The following CHIA variants were observed in gnomAD, a reference collection of about 807,000 sequenced individuals.
CHIA encodes the protein acidic mammalian chitinase.
CHIA carries 47 observed loss-of-function variants against 53.5 expected under a neutral mutation model. The ratio of observed to expected loss-of-function variants is 0.88; its 90% CI spans 0.70 to 1.12. The LOEUF is 1.12. Ranked by LOEUF, CHIA falls within the 50% of genes most tolerant of loss-of-function variation. The pLI is 0.00. For synonymous variants in CHIA, 268 were observed against 222.2 expected, an observed-to-expected ratio of 1.21 and a Z score of -1.83; for missense variants, 652 against 592.2, an observed-to-expected ratio of 1.10 and a Z score of -1.05.
At chr1:111,306,592 G>A (rs187023433) in intron 1 of CHIA, among the ~76,000 whole-genome samples, 2 of 152,190 alleles carry the variant, frequency 1.3e-5, no homozygotes, top group Admixed American at 1.3e-4. Context: ...AACAAGTGGT[G>A]TGCATTTGAC....
intron 1 of CHIA, among the ~76,000 whole-genome samples, chr1:111,295,760 A>G (rs10857872): frequency 0.63 from 96,263 of 152,068 alleles, 30,739 homozygotes; most frequent in African/African-American, 0.7. Context: ...GTGGGGCATC[A>G]CCTCACCCAG....
intron 1 of CHIA, among the ~76,000 whole-genome samples, chr1:111,303,899 C>T (rs1285718440): frequency 6.6e-6 from 1 of 152,096 alleles, no homozygotes; most frequent in East Asian, 1.9e-4. Context: ...ATAGGACTCC[C>T]TTGAGTATTT....
At chr1:111,306,144 A>AT (rs1047869706) in intron 1 of CHIA, among the ~76,000 whole-genome samples, 1 of 152,198 alleles carries the variant, frequency 6.6e-6, no homozygotes, top group Admixed American at 6.5e-5. Flanking sequence ...GAAGATTTTC[A>AT]TTTTTTCCAA....
intron 6 of CHIA, chr1:111,316,164 G>T: frequency 4.5e-6 from 1 of 220,686 alleles, no homozygotes; most frequent in Non-Finnish European, 9.2e-6. Flanking sequence ...TGGCACAAAT[G>T]ATATACAGAT....
intron 2 of CHIA, among the ~76,000 whole-genome samples, 195 bp from the exon 3 acceptor site, chr1:111,311,494 C>T (rs1010013386): frequency 1.3e-5 from 2 of 152,060 alleles, no homozygotes; most frequent in Non-Finnish European, 2.9e-5. Flanking sequence ...GACGAAGGTA[C>T]CACGGTCATT....
intron 1 of CHIA, among the ~76,000 whole-genome samples, chr1:111,297,887 A>T (rs1647308592): frequency 7.2e-6 from 1 of 139,510 alleles, no homozygotes; most frequent in South Asian, 2.4e-4. Flanking sequence ...AAGATCTACC[A>T]AGCAAATGGA....
intron 1 of CHIA, among the ~76,000 whole-genome samples, chr1:111,307,069 T>C (rs747677206): frequency 2.0e-5 from 3 of 152,248 alleles, no homozygotes; most frequent in Non-Finnish European, 2.9e-5. Context: ...AATATGCATG[T>C]GTTATTTCAC....
At chr1:111,291,867 G>C (rs1419366798) in intron 1 of CHIA, among the ~76,000 whole-genome samples, 1 of 150,972 alleles carries the variant, frequency 6.6e-6, no homozygotes, top group Non-Finnish European at 1.5e-5. Flanking sequence ...TCAGGATAAA[G>C]AGCTAAAGCA....
chr1:111,294,034 A>T (rs900391376), intron 1 of CHIA, among the ~76,000 whole-genome samples: 1 of 152,224 alleles, frequency 6.6e-6, no homozygotes, highest in Admixed American at 6.5e-5. Flanking sequence ...GTGAGCTATG[A>T]TCATGCCACT....
At chr1:111,295,339 C>T (rs569016215) in intron 1 of CHIA, among the ~76,000 whole-genome samples, 35 of 152,250 alleles carry the variant, frequency 2.3e-4, no homozygotes, top group African/African-American at 7.9e-4. Flanking sequence ...AGCCATCATG[C>T]CCAGTGTAAG....
At chr1:111,302,142 C>T (rs1404897707) in intron 1 of CHIA, among the ~76,000 whole-genome samples, 1 of 152,020 alleles carries the variant, frequency 6.6e-6, no homozygotes, top group African/African-American at 2.4e-5. Context: ...TTTGAGTCTC[C>T]TCTCTTTTTT....
intron 1 of CHIA, among the ~76,000 whole-genome samples, chr1:111,296,968 G>A (rs1445820023): frequency 6.6e-6 from 1 of 152,118 alleles, no homozygotes. Context: ...TGGAAGAAAG[G>A]GTATCCGTGA....
chr1:111,318,725 G>T, intron 9 of CHIA, 47 bp downstream of exon 9: 1 of 1,556,770 alleles, frequency 6.4e-7, no homozygotes, highest in South Asian at 1.2e-5. Context: ...CGTGCACTGT[G>T]CCTTAGGGCT....
chr1:111,312,592 A>G (rs926946678), intron 4 of CHIA, among the ~76,000 whole-genome samples: 5 of 152,222 alleles, frequency 3.3e-5, no homozygotes, highest in Non-Finnish European at 1.5e-5. Flanking sequence ...ACGGTGCGGA[A>G]TGGCTCAATC....
rs189146821 is a variant in CHIA at position 111,319,226 on chromosome 1, G to C, written c.1022G>C (p.Ser341Thr). 4.8e-5 allele frequency: 77 copies of C among 1,614,208 alleles called. No individual in the cohort carries two copies. Among genetic ancestry groups the C allele is most frequent in the Non-Finnish European group, 6.5e-5 (77 of 1,180,038 alleles). ...NVWVGYDNIK[S>T]FDIKAQWLKH... The stretch of plus-strand genomic sequence containing the variant: ...TGGGTTGGCTATGACAACATCAAGA[G>C]CTTCGATATTAAGGTAAGATCAGTC... The change falls in exon 10 of 12, where the codon AGC (serine) becomes ACC (threonine). Residue 341 changes from serine to threonine, a missense_variant. By Grantham distance (58) the Ser-to-Thr change is moderately conservative (BLOSUM62 1). Coordinates refer to ENST00000369740, the MANE Select transcript of CHIA (RefSeq NM_201653.4).
At chr1:111,297,954 A>T (rs966046125) in intron 1 of CHIA, among the ~76,000 whole-genome samples, 2 of 150,060 alleles carry the variant, frequency 1.3e-5, no homozygotes, top group Non-Finnish European at 3.0e-5. Context: ...CTAGTCTCTG[A>T]TGAAACAGAC....
chr1:111,315,549 A>G, intron 6 of CHIA, 114 bp downstream of exon 6: 2 of 1,087,650 alleles, frequency 1.8e-6, no homozygotes, highest in Non-Finnish European at 2.6e-6. Flanking sequence ...ATAGAATATT[A>G]GCATTGCAAA....
At chr1:111,312,755 TCTAA>T (rs1648791065) in intron 4 of CHIA, among the ~76,000 whole-genome samples, 1 of 152,120 alleles carries the variant, frequency 6.6e-6, no homozygotes, top group South Asian at 2.1e-4. Flanking sequence ...ATTCCTCATT[TCTAA>T]CTGAAATTTT....
At chr1:111,303,403 G>A (rs72693255) in intron 1 of CHIA, among the ~76,000 whole-genome samples, 205 of 151,496 alleles carry the variant, frequency 1.4e-3, no homozygotes, top group Non-Finnish European at 1.7e-3. Flanking sequence ...TTTCTTTCTC[G>A]TTTCCTTATA....
Sources: allele counts gnomAD v4.1 joint callset (sites outside exome capture counted in the v4.1 genomes callset), GRCh38; gene constraint gnomAD v4.1.1; transcripts MANE v1.5; gene names NCBI Gene and HGNC (gene_info 2026-07-23, HGNC 2026-07-21).